Variants in DLGAP1 observed in about 807,000 individuals in gnomAD.
DLGAP1 encodes DLG associated protein 1.
In DLGAP1, 11 loss-of-function variants were observed where a neutral mutation model predicts 90.8. The ratio of observed to expected loss-of-function variants is 0.12; its 90% CI spans 0.08 to 0.20. The LOEUF (loss-of-function observed/expected upper bound fraction) is 0.20. Among genes scored for constraint, DLGAP1 ranks in the 10% least tolerant of loss-of-function variants. DLGAP1 has a pLI of 1.00. For missense variants in DLGAP1, 1,050 were observed against 1,333.8 expected (o/e 0.79, Z 3.31); for synonymous variants, 558 against 540.7 (o/e 1.03, Z -0.44).
At chr18:3,819,884 G>A (rs370305136) in intron 4 of DLGAP1, among the ~76,000 whole-genome samples, 26 of 152,262 alleles carry the variant, frequency 1.7e-4, no homozygotes, top group African/African-American at 5.8e-4. Context: ...TTTAAGGTCT[G>A]TTTGAAGGAA....
chr18:3,988,114 G>A (rs529745205), intron 3 of DLGAP1, among the ~76,000 whole-genome samples: 17 of 152,100 alleles, frequency 1.1e-4, no homozygotes, highest in African/African-American at 3.9e-4. Context: ...GGTCCCATCT[G>A]GGGGTGATGG....
intron 7 of DLGAP1, among the ~76,000 whole-genome samples, chr18:3,692,958 C>T (rs2060950572): frequency 6.6e-6 from 1 of 152,224 alleles, no homozygotes. Flanking sequence ...CGCAGCATGA[C>T]TATCATGAAG....
chr18:4,053,331 G>A (rs1340964717), intron 2 of DLGAP1, among the ~76,000 whole-genome samples: 12 of 152,130 alleles, frequency 7.9e-5, no homozygotes, highest in Admixed American at 7.9e-4. Context: ...AGTGCAGAGT[G>A]AAGGGGGCCA....
chr18:3,737,821 A>G (rs1244863591), intron 6 of DLGAP1, among the ~76,000 whole-genome samples: 1 of 148,132 alleles, frequency 6.8e-6, no homozygotes, highest in Non-Finnish European at 1.5e-5. Flanking sequence ...TTAGGAAAAG[A>G]GGAAGTCAAA....
intron 2 of DLGAP1, among the ~76,000 whole-genome samples, chr18:4,093,586 A>G (rs1000573611): frequency 6.6e-6 from 1 of 151,422 alleles, no homozygotes; most frequent in African/African-American, 2.4e-5. Context: ...CATTAATCAA[A>G]AAAAAAAAGG....
intron 4 of DLGAP1, among the ~76,000 whole-genome samples, chr18:3,846,255 T>C (rs992555868): frequency 1.3e-5 from 2 of 152,196 alleles, no homozygotes; most frequent in African/African-American, 4.8e-5. Context: ...ACAATTTCAG[T>C]AGAGCAAAGA....
chr18:3,705,031 G>A (rs2061391020), intron 7 of DLGAP1, among the ~76,000 whole-genome samples: 1 of 152,212 alleles, frequency 6.6e-6, no homozygotes, highest in South Asian at 2.1e-4. Context: ...GAGGACAAAA[G>A]TGTGCATCTC....
intron 3 of DLGAP1, among the ~76,000 whole-genome samples, chr18:3,942,985 C>T (rs1407031193): frequency 1.3e-5 from 2 of 151,830 alleles, no homozygotes; most frequent in East Asian, 3.9e-4. Context: ...TTTTTTCCAC[C>T]TAAGCAATCT....
intron 3 of DLGAP1, among the ~76,000 whole-genome samples, chr18:3,985,285 A>G (rs2073819536): frequency 1.3e-5 from 2 of 152,142 alleles, no homozygotes; most frequent in South Asian, 2.1e-4. Context: ...GTCTTTTTGT[A>G]AAACATACTT....
intron 3 of DLGAP1, among the ~76,000 whole-genome samples, chr18:3,881,102 A>G (rs917284638): frequency 6.7e-6 from 1 of 149,952 alleles, no homozygotes; most frequent in Admixed American, 6.6e-5. Context: ...CTTGGGTCTT[A>G]TTCTTTTTTT....
chr18:4,417,727 A>C (rs1016528504), intron 1 of DLGAP1, among the ~76,000 whole-genome samples: 3 of 152,164 alleles, frequency 2.0e-5, no homozygotes, highest in Non-Finnish European at 2.9e-5. Context: ...AAACAAAACA[A>C]AACAACTTAA....
chr18:3,932,622 C>T (rs2072545177), intron 3 of DLGAP1, among the ~76,000 whole-genome samples: 1 of 152,184 alleles, frequency 6.6e-6, no homozygotes. Context: ...GACAGGGCTA[C>T]ATTTGGAGGA....
chr18:4,414,613 C>T (rs1257246257), intron 1 of DLGAP1, among the ~76,000 whole-genome samples: 1 of 151,758 alleles, frequency 6.6e-6, no homozygotes, highest in Non-Finnish European at 1.5e-5. Context: ...GTAATCCCAG[C>T]TACTCGGGAG....
rs867880732 is a variant in DLGAP1, at chr18:3,545,137, G to T, written c.2058-10522C>A. Among the ~76,000 whole-genome samples the T allele has an allele frequency of 1.3e-4, 19 of 151,876 alleles. 2 individuals are homozygous for T. The highest frequency in any genetic ancestry group is 3.4e-3 in the Middle Eastern group (1 of 294). ...AATAATATAAAAATTAGCCAGGAGT[G>T]GTGGCAGATGCCTATAATCCCAGCT... On this transcript the variant is annotated intron_variant, in intron 9 of 12. Transcript: ENST00000315677.
intron 1 of DLGAP1, among the ~76,000 whole-genome samples, chr18:4,177,473 CT>C (rs901507731): frequency 1.3e-5 from 2 of 151,214 alleles, no homozygotes; most frequent in African/African-American, 4.9e-5. Flanking sequence ...TTTGTTTTAA[CT>C]TTTATTTTAG....
intron 1 of DLGAP1, among the ~76,000 whole-genome samples, chr18:4,361,145 G>A (rs116686965): frequency 0.013 from 1,908 of 152,134 alleles, 19 homozygotes; most frequent in African/African-American, 0.029. Flanking sequence ...TTCAGGGAGT[G>A]TCTAAGAAAT....
At chr18:3,985,174 T>C (rs752139016) in intron 3 of DLGAP1, among the ~76,000 whole-genome samples, 23 of 152,176 alleles carry the variant, frequency 1.5e-4, no homozygotes, top group Non-Finnish European at 3.2e-4. Context: ...CTTTCTACCT[T>C]GATTAGCAAG....
chr18:3,775,773 G>A lies in DLGAP1; in HGVS notation c.1173-33261C>T, dbSNP rs1656117536. Among the ~76,000 whole-genome samples, 1 of 152,150 alleles carries A rather than the reference G, an allele frequency of 6.6e-6. No homozygotes were observed. The highest frequency in any genetic ancestry group is 2.1e-4 in the South Asian group (1 of 4,830). On this transcript the variant is annotated intron_variant, in intron 5 of 12. Coordinates refer to ENST00000315677, the MANE Select transcript of DLGAP1 (RefSeq NM_004746.4). This position sits in a 1 kb window ranked among gnomAD's most constrained non-coding sequence, Gnocchi z 4.9. ...CAAAAAATTGTCACAAAGTGAACAT[G>A]CCCATGGAATCAACTTTCAGTCCAG...
At chr18:3,708,023 T>C (rs2061490327) in intron 7 of DLGAP1, among the ~76,000 whole-genome samples, 1 of 151,654 alleles carries the variant, frequency 6.6e-6, no homozygotes, top group South Asian at 2.1e-4. Context: ...TTTTTTTTTT[T>C]GAGACAGGGT....
Sources: gnomAD v4.1 joint callset for allele counts (sites outside exome capture counted in the v4.1 genomes callset) on GRCh38, gnomAD v4.1.1 for gene constraint, Gnocchi (gnomAD v3.1) non-coding constraint, MANE v1.5 for transcripts, NCBI Gene and HGNC (gene_info 2026-07-23, HGNC 2026-07-21) for gene names.